Variants in MEGF11 observed in about 807,000 individuals in gnomAD.
MEGF11 encodes the protein multiple EGF like domains 11.
A neutral mutation model predicts 146.6 loss-of-function variants in MEGF11; 126 were observed. The ratio of observed to expected loss-of-function variants is 0.86; its 90% confidence interval spans 0.74 to 1.00. MEGF11 has a LOEUF of 1.00. Ranked by LOEUF, MEGF11 falls within the 50% of genes least tolerant of loss-of-function variation. The probability of loss-of-function intolerance (pLI) is 0.00; values close to 1 mark genes in which losing one functional copy is unlikely to be tolerated. For missense variants in MEGF11, 1,509 were observed against 1,521.2 expected (o/e 0.99, Z 0.13); for synonymous variants, 532 against 583.4 (o/e 0.91, Z 1.27).
chr15:66,017,701 C>G (rs2082939299), intron 5 of MEGF11, among the ~76,000 whole-genome samples: 2 of 152,176 alleles, frequency 1.3e-5, no homozygotes, highest in Admixed American at 1.3e-4. Flanking sequence ...AAGCCGAAGC[C>G]CAGAGGCTAT....
At chr15:66,107,060 C>CCCCT (rs111544754) in intron 4 of MEGF11, among the ~76,000 whole-genome samples, 7,273 of 150,756 alleles carry the variant, frequency 0.048, 485 homozygotes, top group African/African-American at 0.15. Flanking sequence ...TCCTACCCCC[C>CCCCT]CACCAGGTAT....
chr15:66,000,358 G>A (rs1389254730), intron 5 of MEGF11, among the ~76,000 whole-genome samples: 1 of 152,166 alleles, frequency 6.6e-6, no homozygotes, highest in Non-Finnish European at 1.5e-5. Context: ...GTGAGACCCT[G>A]TCTCTACAAA....
At chr15:66,217,041 C>A (rs892977878) in intron 1 of MEGF11, among the ~76,000 whole-genome samples, 1 of 152,256 alleles carries the variant, frequency 6.6e-6, no homozygotes, top group African/African-American at 2.4e-5. Flanking sequence ...CCCAACTTCT[C>A]TTTCTGCTCC....
intron 5 of MEGF11, among the ~76,000 whole-genome samples, chr15:66,074,943 A>G (rs1256037564): frequency 6.6e-6 from 1 of 152,166 alleles, no homozygotes; most frequent in Non-Finnish European, 1.5e-5. Context: ...ACCCGTCAAA[A>G]TATGCATGCT....
intron 7 of MEGF11, among the ~76,000 whole-genome samples, chr15:65,976,437 C>A (rs530007818): frequency 2.6e-5 from 4 of 152,298 alleles, no homozygotes; most frequent in African/African-American, 9.6e-5. Flanking sequence ...AAGATGAGGT[C>A]ATATGGGGGG....
At chr15:66,045,634 AAC>A (rs1265802612) in intron 5 of MEGF11, among the ~76,000 whole-genome samples, 3 of 152,158 alleles carry the variant, frequency 2.0e-5, no homozygotes, top group Non-Finnish European at 4.4e-5. Flanking sequence ...CTCCAAATGA[AAC>A]ACAGAAGAGT....
chr15:65,969,542 C>A (rs182935778), intron 8 of MEGF11, among the ~76,000 whole-genome samples: 3 of 152,180 alleles, frequency 2.0e-5, no homozygotes, highest in African/African-American at 7.2e-5. Flanking sequence ...GTAAATAAGC[C>A]CAAGGCTAAT....
At chr15:66,101,408 T>C (rs1445008316) in intron 4 of MEGF11, among the ~76,000 whole-genome samples, 1 of 152,154 alleles carries the variant, frequency 6.6e-6, no homozygotes, top group Non-Finnish European at 1.5e-5. Flanking sequence ...CACTTACTTG[T>C]GTACATTTCA....
chr15:66,016,486 T>C (rs922669231), intron 5 of MEGF11, among the ~76,000 whole-genome samples: 1 of 150,258 alleles, frequency 6.7e-6, no homozygotes, highest in East Asian at 1.9e-4. Context: ...TCAGTTTTTT[T>C]TTTTTTTTTT....
At chr15:66,015,415 A>G (rs913499538) in intron 5 of MEGF11, among the ~76,000 whole-genome samples, 1 of 152,220 alleles carries the variant, frequency 6.6e-6, no homozygotes, top group Non-Finnish European at 1.5e-5. Flanking sequence ...GTTGAATGTT[A>G]ATCATTCATT....
intron 1 of MEGF11, among the ~76,000 whole-genome samples, chr15:66,228,836 C>T (rs141258412): frequency 1.2e-4 from 19 of 152,204 alleles, no homozygotes; most frequent in Non-Finnish European, 1.8e-4. Context: ...TAGTGGGGCA[C>T]GCCACAGGAT....
At chr15:65,959,000 G>T (rs1267313305) in intron 9 of MEGF11, among the ~76,000 whole-genome samples, 1 of 152,174 alleles carries the variant, frequency 6.6e-6, no homozygotes, top group African/African-American at 2.4e-5. Context: ...ACTTCCATGG[G>T]GCCTTGGCAC....
intron 1 of MEGF11, among the ~76,000 whole-genome samples, chr15:66,198,466 G>A (rs140170390): frequency 5.4e-4 from 82 of 152,208 alleles, no homozygotes; most frequent in South Asian, 1.9e-3. Context: ...CTCATTCATC[G>A]AAGTCACTTT....
chr15:65,928,599 T>A (rs1216752909), intron 12 of MEGF11, 72 bp from the exon 13 acceptor site: 1 of 1,058,202 alleles, frequency 9.4e-7, no homozygotes, highest in Non-Finnish European at 1.4e-6. Context: ...CTATGGATCT[T>A]TTCTTTAATT....
chr15:66,173,399 T>A (rs543006993), intron 1 of MEGF11, among the ~76,000 whole-genome samples: 3 of 152,076 alleles, frequency 2.0e-5, no homozygotes, highest in Non-Finnish European at 4.4e-5. Flanking sequence ...CGCTGCAACT[T>A]CCTCCTCCCG....
chr15:66,069,180 C>T (rs1328568827), intron 5 of MEGF11, among the ~76,000 whole-genome samples: 1 of 145,708 alleles, frequency 6.9e-6, no homozygotes, highest in African/African-American at 2.5e-5. Flanking sequence ...TACTTAGAGA[C>T]CACAAGGGCA....
intron 6 of MEGF11, among the ~76,000 whole-genome samples, chr15:65,981,268 T>C (rs895860990): frequency 4.6e-5 from 7 of 152,218 alleles, no homozygotes; most frequent in Non-Finnish European, 1.0e-4. Flanking sequence ...AGTCATTGCA[T>C]TAATGAAGGC....
At chr15:66,130,462 C>A (rs1356845102) in intron 1 of MEGF11, among the ~76,000 whole-genome samples, 1 of 152,038 alleles carries the variant, frequency 6.6e-6, no homozygotes, top group Non-Finnish European at 1.5e-5. Context: ...CTTATTACAC[C>A]AAGAGTATCA....
At chr15:66,059,030 G>GAGT (rs1237818213) in intron 5 of MEGF11, among the ~76,000 whole-genome samples, 1 of 152,174 alleles carries the variant, frequency 6.6e-6, no homozygotes, top group Non-Finnish European at 1.5e-5. Context: ...GTCTGGGGGT[G>GAGT]AGTAGGTCAG....
Sources: gnomAD v4.1 joint callset for allele counts (sites outside exome capture counted in the v4.1 genomes callset) on GRCh38, gnomAD v4.1.1 for gene constraint, MANE v1.5 for transcripts, NCBI Gene and HGNC (gene_info 2026-07-23, HGNC 2026-07-21) for gene names.